The following HECW2 variants were observed in gnomAD, a reference collection of about 807,000 sequenced individuals.
The protein encoded by HECW2 is HECT, C2 and WW domain containing E3 ubiquitin protein ligase 2.
In HECW2, 61 loss-of-function variants were observed where a neutral mutation model predicts 175.2. The ratio of observed to expected loss-of-function variants is 0.35; its 90% CI spans 0.28 to 0.43. HECW2 has a LOEUF of 0.43. Among genes scored for constraint, HECW2 ranks in the 20% least tolerant of loss-of-function variants. HECW2 has a pLI of 1.00. For missense variants in HECW2, 1,524 were observed against 2,000.5 expected, an observed-to-expected ratio of 0.76 and a Z score of 4.54; for synonymous variants, 671 against 731.0, an observed-to-expected ratio of 0.92 and a Z score of 1.32.
intron 1 of HECW2, among the ~76,000 whole-genome samples, chr2:196,484,107 T>C (rs1575596588): frequency 6.6e-6 from 1 of 152,224 alleles, no homozygotes; most frequent in Non-Finnish European, 1.5e-5. Flanking sequence ...TTTGGCTTTA[T>C]GTCCTCTCTC....
intron 2 of HECW2, among the ~76,000 whole-genome samples, chr2:196,426,779 C>T (rs553948220): frequency 5.3e-5 from 8 of 152,208 alleles, no homozygotes; most frequent in Admixed American, 3.9e-4. Flanking sequence ...TGTAGGGTAT[C>T]ATCATTCTAG....
intron 13 of HECW2, among the ~76,000 whole-genome samples, chr2:196,299,961 C>T (rs796131752): frequency 1.3e-5 from 2 of 151,994 alleles, no homozygotes; most frequent in African/African-American, 4.8e-5. Flanking sequence ...AGCCTTATAC[C>T]ACAACTCAGT....
intron 10 of HECW2, among the ~76,000 whole-genome samples, chr2:196,309,612 C>T (rs1691405454): frequency 2.7e-4 from 2 of 7,474 alleles, no homozygotes; most frequent in South Asian, 0.2. Context: ...TTTTGGGAAC[C>T]AATTACCCCA....
intron 1 of HECW2, among the ~76,000 whole-genome samples, chr2:196,492,177 T>C (rs536401123): frequency 6.6e-6 from 1 of 152,320 alleles, no homozygotes; most frequent in East Asian, 1.9e-4. Context: ...TTTTTAGAGT[T>C]ACACTCCTCA....
At chr2:196,449,621 T>A (rs1696286482) in intron 1 of HECW2, among the ~76,000 whole-genome samples, 1 of 152,198 alleles carries the variant, frequency 6.6e-6, no homozygotes, top group South Asian at 2.1e-4. Flanking sequence ...CATTAATAGA[T>A]TAAAATCTAT....
chr2:196,292,560 G>A lies in HECW2; in HGVS notation c.3000+5C>T. 1 of 1,609,946 alleles carries A rather than the reference G, an allele frequency of 6.2e-7. No individual in the cohort carries two copies. The highest frequency in any genetic ancestry group is 8.5e-7 in the Non-Finnish European group (1 of 1,177,206). On this transcript the variant is annotated splice_donor_5th_base_variant and intron_variant, in intron 14 of 28. Coordinates refer to ENST00000644978, the MANE Select transcript of HECW2 (RefSeq NM_001348768.2). The stretch of plus-strand genomic sequence containing the variant: ...GCACTCCCTGAGGCATCTCCCTCGT[G>A]TTACCTTGCCCTGGTGATCATGTTT...
At chr2:196,556,652 G>C (rs1575669232) in intron 1 of HECW2, among the ~76,000 whole-genome samples, 1 of 152,140 alleles carries the variant, frequency 6.6e-6, no homozygotes, top group East Asian at 1.9e-4. Flanking sequence ...AATTGTCTTA[G>C]CCCTGCCATA....
intron 21 of HECW2, among the ~76,000 whole-genome samples, chr2:196,228,498 T>C (rs1163610732): frequency 6.6e-6 from 1 of 152,164 alleles, no homozygotes; most frequent in Non-Finnish European, 1.5e-5. Flanking sequence ...ACAACAGGCA[T>C]ACAATAGGCA....
chr2:196,409,614 T>C (rs1192333322), intron 2 of HECW2, among the ~76,000 whole-genome samples: 3 of 152,202 alleles, frequency 2.0e-5, no homozygotes, highest in Admixed American at 2.0e-4. Context: ...TTTAGTTGCA[T>C]GAAAGAAAGT....
At chr2:196,471,790 G>A (rs1309911715) in intron 1 of HECW2, among the ~76,000 whole-genome samples, 2 of 152,004 alleles carry the variant, frequency 1.3e-5, no homozygotes, top group Admixed American at 1.3e-4. Flanking sequence ...ACTAAGAGGG[G>A]AACAAGGGAC....
chr2:196,334,304 C>T (rs986684880), intron 4 of HECW2, 120 bp downstream of exon 4: 1 of 706,318 alleles, frequency 1.4e-6, no homozygotes, highest in African/African-American at 1.8e-5. Context: ...ACAGTGCCCA[C>T]ACTGTTATGT....
intron 2 of HECW2, among the ~76,000 whole-genome samples, chr2:196,409,272 C>T (rs575021757): frequency 2.0e-4 from 31 of 152,298 alleles, no homozygotes; most frequent in African/African-American, 6.7e-4. Context: ...TTCTAATATT[C>T]CCATTAACTG....
chr2:196,329,856 A>G (rs931463704), intron 4 of HECW2, among the ~76,000 whole-genome samples: 2 of 152,206 alleles, frequency 1.3e-5, no homozygotes, highest in Non-Finnish European at 2.9e-5. Flanking sequence ...ACCACAAATA[A>G]AAAATATATA....
intron 20 of HECW2, among the ~76,000 whole-genome samples, chr2:196,241,421 C>T (rs1190247471): frequency 6.6e-6 from 1 of 152,188 alleles, no homozygotes; most frequent in Non-Finnish European, 1.5e-5. Flanking sequence ...TCTGGACCGT[C>T]TCTCAGGCAC....
intron 24 of HECW2, 138 bp from the exon 25 acceptor site, chr2:196,221,079 C>T (rs1687649148): frequency 4.9e-6 from 4 of 816,316 alleles, no homozygotes; most frequent in South Asian, 3.4e-5. Context: ...GGCAGTGAGG[C>T]CCCAGGCACT....
In HECW2 at chr2:196,331,087, G is replaced by GT; in HGVS notation, c.496-1438dup. On this transcript the variant is annotated intron_variant, in intron 4 of 28. Coordinates refer to ENST00000644978, the MANE Select transcript of HECW2 (RefSeq NM_001348768.2). ...AGTATAAATTTCTACTGCCTCCGCT[G>GT]TAACTCCTGTACCTTAGTCAAACTA... is the stretch of plus-strand genomic sequence containing the variant. 3 of 921,190 alleles carry GT rather than the reference G, an allele frequency of 3.3e-6. 1 individual carries two copies. Among genetic ancestry groups the GT allele is most frequent in the Non-Finnish European group, 3.9e-6 (3 of 771,452 alleles). The allele number at this position is 921,190 out of a possible 1,614,324, so 57.1% of individuals were successfully genotyped here.
chr2:196,251,964 C>T (rs113305775), intron 19 of HECW2, among the ~76,000 whole-genome samples: 11 of 151,938 alleles, frequency 7.2e-5, no homozygotes, highest in East Asian at 1.9e-4. Context: ...TTTGGGAGGC[C>T]GAGGCAGGCA....
chr2:196,249,498 C>T (rs1688779457), intron 19 of HECW2, among the ~76,000 whole-genome samples: 1 of 152,092 alleles, frequency 6.6e-6, no homozygotes, highest in African/African-American at 2.4e-5. Flanking sequence ...TAGGAATTCT[C>T]AATGAAGATC....
chr2:196,335,088 G>C (rs142738601), intron 3 of HECW2, among the ~76,000 whole-genome samples: 1 of 152,186 alleles, frequency 6.6e-6, no homozygotes, highest in African/African-American at 2.4e-5. Flanking sequence ...ATTCTCTAGT[G>C]ACAGGATCTG....
Sources: allele counts gnomAD v4.1 joint callset (sites outside exome capture counted in the v4.1 genomes callset), GRCh38; gene constraint gnomAD v4.1.1; transcripts MANE v1.5; gene names NCBI Gene and HGNC (gene_info 2026-07-23, HGNC 2026-07-21).